The following HSD17B6 variants were observed in gnomAD, a reference collection of about 807,000 sequenced individuals.
The protein encoded by HSD17B6 is hydroxysteroid 17-beta dehydrogenase 6, also known as 17-beta-hydroxysteroid dehydrogenase type 6.
Under a neutral mutation model 26.4 loss-of-function variants are expected in HSD17B6, and 16 were observed. The observed-to-expected ratio is 0.61, with a 90% CI of 0.41 to 0.92. The LOEUF is 0.92. HSD17B6 is among the 40% of genes least tolerant of loss of function. The pLI, the probability that HSD17B6 is intolerant of heterozygous loss-of-function variation, is 0.00. For missense variants in HSD17B6, 357 were observed against 386.1 expected (o/e 0.92, Z 0.63); for synonymous variants, 139 against 153.0 (o/e 0.91, Z 0.68).
intron 4 of HSD17B6, among the ~76,000 whole-genome samples, chr12:56,786,405 A>G (rs1180809007): frequency 1.3e-5 from 2 of 152,050 alleles, no homozygotes; most frequent in African/African-American, 4.8e-5. Flanking sequence ...ATGCACCACC[A>G]AGCCTGGCTA....
intron 1 of HSD17B6, among the ~76,000 whole-genome samples, 161 bp downstream of exon 1, chr12:56,763,575 A>G (rs1423592163): frequency 6.6e-6 from 1 of 151,682 alleles, no homozygotes; most frequent in Non-Finnish European, 1.5e-5. Context: ...CGTGAAAGAA[A>G]TTTTGTCACG....
chr12:56,769,221 G>A (rs770204291), intron 1 of HSD17B6, among the ~76,000 whole-genome samples: 26 of 150,660 alleles, frequency 1.7e-4, no homozygotes, highest in Non-Finnish European at 3.5e-4. Context: ...TTGTGCCTCC[G>A]CCTCCCAAGT....
In HSD17B6 at chr12:56,773,967, T is replaced by C; in HGVS notation, c.115T>C (p.Ser39Pro). The C allele has an allele frequency of 6.2e-7, 1 of 1,614,084 alleles. No individual in the cohort carries two copies. Among genetic ancestry groups the C allele is most frequent in the Non-Finnish European group, 8.5e-7 (1 of 1,180,014 alleles). Reference sequence around the variant, plus strand: ...GTATGTCTTTATCACGGGCTGTGACTCGGGCTTTGGGAACCTGCTGGCCAG... The same window carrying C: ...GTATGTCTTTATCACGGGCTGTGACCCGGGCTTTGGGAACCTGCTGGCCAG... ...DKYVFITGCD[S>P]GFGNLLARQL... The change falls in exon 2 of 5, where the codon TCG (serine) becomes CCG (proline). Residue 39 changes from serine to proline, a missense_variant. Transcript: ENST00000322165.
At chr12:56,784,281 C>G (rs895084748) in intron 3 of HSD17B6, among the ~76,000 whole-genome samples, 4 of 152,142 alleles carry the variant, frequency 2.6e-5, no homozygotes, top group Non-Finnish European at 5.9e-5. Flanking sequence ...GGGTGGCAGC[C>G]GGGCAGAGGC....
rs372186814 is a variant in HSD17B6, at chr12:56,776,952, T to C, written c.313+2787T>C. ...ATGAATAAATTCTCTTTTTAAGTTC[T>C]ATTTTGTCTAGATATTATTCAACTC... On this transcript the variant is annotated intron_variant, in intron 2 of 4. Transcript: ENST00000322165. 4.6e-5 allele frequency among the ~76,000 whole-genome samples: 7 copies of C among 152,400 alleles called. No individual in the cohort carries two copies. In the East Asian group the frequency reaches 7.7e-4, roughly 17 times the overall value.
At position 56,787,118 on chromosome 12, in the gene HSD17B6, T is replaced by A. The variant is rs376212119; in HGVS notation, c.737-7T>A. 3.1e-6 allele frequency: 5 copies of A among 1,603,944 alleles called. No individual in the cohort carries two copies. In the East Asian group the frequency reaches 1.1e-4, roughly 36 times the overall value. ...TTGTTGACCACCATTTCTTTTTTTG[T>A]ATACAGTTTACAATATCATGAAGGA... On this transcript the variant is annotated splice_polypyrimidine_tract_variant and splice_region_variant and intron_variant, in intron 4 of 4. Coordinates refer to ENST00000322165, the MANE Select transcript of HSD17B6 (RefSeq NM_003725.4).
intron 2 of HSD17B6, among the ~76,000 whole-genome samples, chr12:56,777,451 G>A (rs992427195): frequency 8.2e-5 from 12 of 146,940 alleles, no homozygotes; most frequent in African/African-American, 2.6e-4. Context: ...TGCAAACTCC[G>A]CCTCCCAGGT....
intron 1 of HSD17B6, among the ~76,000 whole-genome samples, chr12:56,773,331 C>T (rs566625270): frequency 1.3e-5 from 2 of 152,340 alleles, no homozygotes; most frequent in African/African-American, 4.8e-5. Flanking sequence ...AGGATAACAT[C>T]CAGATTCCGT....
intron 1 of HSD17B6, among the ~76,000 whole-genome samples, chr12:56,770,892 A>G (rs943803264): frequency 6.6e-6 from 1 of 152,140 alleles, no homozygotes; most frequent in African/African-American, 2.4e-5. Context: ...GTGCTCACCT[A>G]TGAAACAGTG....
At chr12:56,766,839 G>A (rs1037881259) in intron 1 of HSD17B6, among the ~76,000 whole-genome samples, 25 of 152,318 alleles carry the variant, frequency 1.6e-4, no homozygotes, top group African/African-American at 5.5e-4. Context: ...CGCTGTCTGT[G>A]ACTGCTGTAG....
Position 56,782,100 on chromosome 12 carries a change from G to A in HSD17B6, c.440G>A (p.Ser147Asn), listed in dbSNP as rs1357912733. 1.9e-6 allele frequency: 3 copies of A among 1,614,206 alleles called. No homozygotes were observed. The highest frequency in any genetic ancestry group is 8.5e-7 in the Non-Finnish European group (1 of 1,180,046). Residue 147 changes from serine to asparagine, a missense_variant, in exon 3 of 5, where the codon AGC becomes AAC. Transcript: ENST00000322165. ...ATTGGTGTGATCCAGGTGACCTTGAGCATGCTTCCTTTGGTGAGGAGAGCA... is the reference window on the plus strand; with the variant it reads ...ATTGGTGTGATCCAGGTGACCTTGAACATGCTTCCTTTGGTGAGGAGAGCA... The part of the protein sequence containing the change: ...NLIGVIQVTL[S>N]MLPLVRRARG...
chr12:56,775,643 C>CT (rs564045139), intron 2 of HSD17B6, among the ~76,000 whole-genome samples: 16 of 147,602 alleles, frequency 1.1e-4, no homozygotes, highest in Admixed American at 5.4e-4. Flanking sequence ...ACAATTTTCC[C>CT]TTTTTTTTTT....
chr12:56,777,365 A>ATTT lies in HSD17B6; in HGVS notation c.313+3213_313+3215dup, dbSNP rs60596799. ...CTTGCCTTGGCCTTCCAAAGTGTAA[A>ATTT]TTTTTTTTTTTTTTTGGAAATGGAG... On this transcript the variant is annotated intron_variant, in intron 2 of 4. Coordinates refer to ENST00000322165, the MANE Select transcript of HSD17B6 (RefSeq NM_003725.4). Among the ~76,000 whole-genome samples the ATTT allele has an allele frequency of 8.0e-4, 111 of 138,924 alleles. 1 individual carries two copies. The East Asian group carries it at 0.016, about 20-fold the overall frequency. 91.1% of individuals were successfully genotyped at this position (138,924 alleles called of 152,430 possible). A position where few individuals can be genotyped will look rare whatever the true frequency, so the allele number is the denominator to read the frequency against.
intron 1 of HSD17B6, among the ~76,000 whole-genome samples, chr12:56,773,045 A>AG (rs533167552): frequency 4.7e-4 from 71 of 152,328 alleles, no homozygotes; most frequent in Admixed American, 1.5e-3. Flanking sequence ...TTACTAAAAA[A>AG]TGGTGGACTT....
Position 56,787,207 on chromosome 12 carries a change from A to G in HSD17B6, c.819A>G (p.Thr273=), listed in dbSNP as rs1173693128. Residue 273 remains threonine (T), a synonymous_variant, in exon 5 of 5, where the codon ACA becomes ACG. Transcript: ENST00000322165. The part of the protein sequence containing the change: ...LVTDCMEHAL[T]SVHPRTRYSA... Reference sequence around the variant, plus strand: ...CTGACTGCATGGAACATGCTCTGACATCGGTGCATCCGCGAACTCGATATT... The same window carrying G: ...CTGACTGCATGGAACATGCTCTGACGTCGGTGCATCCGCGAACTCGATATT... 39 of 1,614,090 alleles carry G rather than the reference A, an allele frequency of 2.4e-5. No homozygotes were observed. The highest frequency in any genetic ancestry group is 3.2e-5 in the Non-Finnish European group (38 of 1,180,012).
intron 1 of HSD17B6, among the ~76,000 whole-genome samples, chr12:56,767,637 T>C (rs1418585918): frequency 2.1e-5 from 3 of 143,320 alleles, no homozygotes; most frequent in African/African-American, 7.6e-5. Context: ...ATATATTATA[T>C]TAATATATTA....
chr12:56,768,015 A>G lies in HSD17B6; in HGVS notation c.-20+4601A>G, dbSNP rs376671508. On this transcript the variant is annotated intron_variant, in intron 1 of 4. Coordinates refer to ENST00000322165, the MANE Select transcript of HSD17B6 (RefSeq NM_003725.4). Reference sequence around the variant, plus strand: ...ATATGGTTTCACACAGTGCCTGGCAAGGAAAGTTCTCTATAACTGTTCACT... The same window carrying G: ...ATATGGTTTCACACAGTGCCTGGCAGGGAAAGTTCTCTATAACTGTTCACT... Among the ~76,000 whole-genome samples the G allele has an allele frequency of 1.3e-4, 19 of 151,766 alleles. No homozygotes were observed. The East Asian group carries it at 2.3e-3, about 19-fold the overall frequency.
intron 1 of HSD17B6, among the ~76,000 whole-genome samples, chr12:56,770,097 A>C (rs551533998): frequency 5.3e-5 from 8 of 151,984 alleles, no homozygotes; most frequent in African/African-American, 1.9e-4. Flanking sequence ...GAGAACACAG[A>C]GCTCTCAGAT....
chr12:56,783,252 T>C lies in HSD17B6; in HGVS notation c.572+1020T>C, dbSNP rs1256914863. ...GGCGCCCCTCACCTCCCGGACGGGG[T>C]GGCCGGGCGGGGGGCTGACCCCCCC... On this transcript the variant is annotated intron_variant, in intron 3 of 4. Coordinates refer to ENST00000322165, the MANE Select transcript of HSD17B6 (RefSeq NM_003725.4). 1.2e-3 allele frequency among the ~76,000 whole-genome samples: 169 copies of C among 136,068 alleles called. 2 individuals are homozygous for C. Among genetic ancestry groups the C allele is most frequent in the African/African-American group, 3.3e-3 (117 of 35,814 alleles). The allele number at this position is 136,068 out of a possible 152,430, so 89.3% of individuals were successfully genotyped here.
Sources: gnomAD v4.1 joint callset for allele counts (sites outside exome capture counted in the v4.1 genomes callset) on GRCh38, gnomAD v4.1.1 for gene constraint, MANE v1.5 for transcripts, NCBI Gene and HGNC (gene_info 2026-07-23, HGNC 2026-07-21) for gene names.